Variants in GRM1 observed in about 807,000 individuals in gnomAD.
GRM1 encodes the protein glutamate metabotropic receptor 1.
Under a neutral mutation model 90.9 loss-of-function variants are expected in GRM1, and 33 were observed. That is an observed-to-expected ratio of 0.36 (90% CI 0.28 to 0.49). The LOEUF (loss-of-function observed/expected upper bound fraction) is 0.49. Among genes scored for constraint, GRM1 ranks in the 20% least tolerant of loss-of-function variants. The pLI is 0.99. For synonymous variants in GRM1, 700 were observed against 613.2 expected, an observed-to-expected ratio of 1.14 and a Z score of -2.09; for missense variants, 1,190 against 1,534.3, an observed-to-expected ratio of 0.78 and a Z score of 3.75.
chr6:146,417,043 T>C (rs1777812053), intron 7 of GRM1, among the ~76,000 whole-genome samples: 2 of 152,210 alleles, frequency 1.3e-5, no homozygotes, highest in South Asian at 4.1e-4. Flanking sequence ...GAATTCAAAA[T>C]TTTATGTCTA....
intron 1 of GRM1, among the ~76,000 whole-genome samples, chr6:146,141,939 C>G (rs1034605599): frequency 6.6e-6 from 1 of 152,072 alleles, no homozygotes; most frequent in East Asian, 1.9e-4. Flanking sequence ...ATAGTCTTAA[C>G]GCTTGTGGAA....
At chr6:146,226,224 C>T (rs1316244925) in intron 2 of GRM1, among the ~76,000 whole-genome samples, 1 of 152,068 alleles carries the variant, frequency 6.6e-6, no homozygotes, top group Non-Finnish European at 1.5e-5. Context: ...TTCCAGAGAG[C>T]AATTCAGGGA....
intron 2 of GRM1, among the ~76,000 whole-genome samples, chr6:146,175,418 TC>T (rs1778304082): frequency 1.3e-5 from 2 of 152,188 alleles, no homozygotes; most frequent in Non-Finnish European, 2.9e-5. Context: ...ACCTCTACTT[TC>T]CTTAAATGTC....
At chr6:146,059,075 A>G (rs947812483) in intron 1 of GRM1, among the ~76,000 whole-genome samples, 3 of 152,118 alleles carry the variant, frequency 2.0e-5, no homozygotes, top group Admixed American at 6.6e-5. Flanking sequence ...TCTTTAGTGA[A>G]TCCCAAATAT....
chr6:146,431,556 G>C (rs966699565), intron 7 of GRM1, among the ~76,000 whole-genome samples: 1 of 152,114 alleles, frequency 6.6e-6, no homozygotes, highest in African/African-American at 2.4e-5. Flanking sequence ...TTGAATTAGA[G>C]GCAGATTATT....
chr6:146,097,982 C>G (rs1776928273), intron 1 of GRM1, among the ~76,000 whole-genome samples: 1 of 152,162 alleles, frequency 6.6e-6, no homozygotes, highest in East Asian at 1.9e-4. Flanking sequence ...CTCTGTTCAG[C>G]ACTCCTTATT....
At chr6:146,244,783 C>G (rs1780997352) in intron 2 of GRM1, among the ~76,000 whole-genome samples, 1 of 152,154 alleles carries the variant, frequency 6.6e-6, no homozygotes, top group Admixed American at 6.6e-5. Flanking sequence ...CCCTAATAGT[C>G]CTGATTAGCA....
At chr6:146,207,448 T>C (rs1382739359) in intron 2 of GRM1, among the ~76,000 whole-genome samples, 3 of 152,178 alleles carry the variant, frequency 2.0e-5, no homozygotes, top group African/African-American at 7.2e-5. Context: ...GTTTGTTTTT[T>C]CTCTTGTAAA....
chr6:146,422,379 C>T (rs1201174414), intron 7 of GRM1, among the ~76,000 whole-genome samples: 1 of 152,154 alleles, frequency 6.6e-6, no homozygotes. Flanking sequence ...GTTTGAGATC[C>T]TATGAAATAA....
At chr6:146,332,412 T>C (rs879038683) in intron 3 of GRM1, among the ~76,000 whole-genome samples, 1 of 152,194 alleles carries the variant, frequency 6.6e-6, no homozygotes, top group Admixed American at 6.5e-5. Context: ...TTGCTGCCTA[T>C]TAGCCAGCAG....
chr6:146,372,909 G>A (rs181605927), intron 5 of GRM1, among the ~76,000 whole-genome samples: 230 of 152,132 alleles, frequency 1.5e-3, no homozygotes, highest in Admixed American at 2.7e-3. Context: ...GGTTTCTCCA[G>A]TTTTGTCCTT....
At chr6:146,245,597 A>T (rs1781030000) in intron 2 of GRM1, among the ~76,000 whole-genome samples, 1 of 152,206 alleles carries the variant, frequency 6.6e-6, no homozygotes, top group Non-Finnish European at 1.5e-5. Context: ...TATAAAGAGT[A>T]GTTAAGTATT....
chr6:146,124,485 A>G (rs908829055), intron 1 of GRM1, among the ~76,000 whole-genome samples: 8 of 152,164 alleles, frequency 5.3e-5, no homozygotes, highest in African/African-American at 1.9e-4. Context: ...AGAGACAATG[A>G]TCACTACAAT....
chr6:146,379,584 A>G (rs1484790482), intron 5 of GRM1, among the ~76,000 whole-genome samples: 1 of 151,946 alleles, frequency 6.6e-6, no homozygotes, highest in Non-Finnish European at 1.5e-5. Context: ...CCGGTGTCTT[A>G]TTTAGTTAAT....
At chr6:146,047,605 AC>A (rs1791381783) in intron 1 of GRM1, among the ~76,000 whole-genome samples, 1 of 149,402 alleles carries the variant, frequency 6.7e-6, no homozygotes, top group Admixed American at 6.7e-5. Context: ...GCCAGGAGCA[AC>A]GCCTTCTTCT....
intron 2 of GRM1, among the ~76,000 whole-genome samples, chr6:146,200,930 T>G (rs1779278272): frequency 6.6e-6 from 1 of 152,170 alleles, no homozygotes; most frequent in South Asian, 2.1e-4. Context: ...TTGTATTAGT[T>G]CTTTTGCTCT....
chr6:146,394,543 T>C (rs143118267), intron 6 of GRM1, among the ~76,000 whole-genome samples: 1 of 152,254 alleles, frequency 6.6e-6, no homozygotes, highest in African/African-American at 2.4e-5. Context: ...TGGAGGCTTT[T>C]GCAGAGCTTC....
rs147783870 is a variant in GRM1 at position 146,250,985 on chromosome 6, G to A, written c.951-53626G>A. Among the ~76,000 whole-genome samples the A allele has an allele frequency of 9.1e-3, 1,378 of 152,252 alleles. 12 individuals carry two copies. The highest frequency in any genetic ancestry group is 0.013 in the Non-Finnish European group (898 of 68,028). The stretch of plus-strand genomic sequence containing the variant: ...GACAAATGTCTTAAAGAACTTCGAG[G>A]TTTCTGACATTTTAGTTTTCAGTCC... On this transcript the variant is annotated intron_variant, in intron 2 of 7. Transcript: ENST00000282753.
intron 2 of GRM1, among the ~76,000 whole-genome samples, chr6:146,282,493 G>A (rs1782605980): frequency 6.6e-6 from 1 of 151,534 alleles, no homozygotes; most frequent in Non-Finnish European, 1.5e-5. Flanking sequence ...AAGAAAAGAT[G>A]AAGGAAGGAA....
Sources: allele counts gnomAD v4.1 joint callset (sites outside exome capture counted in the v4.1 genomes callset), GRCh38; gene constraint gnomAD v4.1.1; transcripts MANE v1.5; gene names NCBI Gene and HGNC (gene_info 2026-07-23, HGNC 2026-07-21).